DYRK1A: variants seen among roughly 807,000 people sequenced by gnomAD.
DYRK1A encodes dual specificity tyrosine-phosphorylation-regulated kinase 1A.
DYRK1A carries 9 observed loss-of-function variants against 79.7 expected under a neutral mutation model. The ratio of observed to expected loss-of-function variants is 0.11; its 90% CI spans 0.07 to 0.20. The LOEUF is 0.20. DYRK1A is among the 10% of genes least tolerant of loss of function. The pLI, the probability that DYRK1A is intolerant of heterozygous loss-of-function variation, is 1.00. For synonymous variants in DYRK1A, 349 were observed against 329.7 expected, an observed-to-expected ratio of 1.06 and a Z score of -0.63; for missense variants, 622 against 956.0, an observed-to-expected ratio of 0.65 and a Z score of 4.61.
intron 3 of DYRK1A, among the ~76,000 whole-genome samples, chr21:37,477,869 T>A (rs1022897942): frequency 1.3e-5 from 2 of 152,208 alleles, no homozygotes; most frequent in Non-Finnish European, 2.9e-5. Context: ...TTCTTTGGGC[T>A]AATTGTGTGG....
intron 9 of DYRK1A, among the ~76,000 whole-genome samples, chr21:37,497,418 A>T (rs1444842396): frequency 6.6e-6 from 1 of 152,058 alleles, no homozygotes; most frequent in Non-Finnish European, 1.5e-5. Flanking sequence ...TGCCATCGAG[A>T]CCTCCTGGGC....
intron 9 of DYRK1A, chr21:37,503,949 G>C (rs891924449): frequency 6.6e-6 from 1 of 151,980 alleles, no homozygotes; most frequent in Non-Finnish European, 1.5e-5. Context: ...TTTAAAAAAT[G>C]TTTGTAATTT....
intron 2 of DYRK1A, among the ~76,000 whole-genome samples, chr21:37,459,253 T>C (rs2148522023): frequency 6.6e-6 from 1 of 152,344 alleles, no homozygotes; most frequent in South Asian, 2.1e-4. Context: ...TCTGTTATAA[T>C]CACTGTAGTG....
At chr21:37,407,228 C>T (rs1735861396) in intron 1 of DYRK1A, among the ~76,000 whole-genome samples, 2 of 152,084 alleles carry the variant, frequency 1.3e-5, no homozygotes, top group Admixed American at 6.6e-5. Context: ...TAAGACTAAA[C>T]ATTCATTTAT....
chr21:37,462,661 C>G (rs537375441), intron 2 of DYRK1A, among the ~76,000 whole-genome samples: 16 of 152,246 alleles, frequency 1.1e-4, no homozygotes, highest in African/African-American at 3.6e-4. Context: ...CTTTTTGTTA[C>G]CTGCTGCACA....
intron 5 of DYRK1A, chr21:37,481,773 A>G (rs571082312): frequency 1.3e-5 from 2 of 152,204 alleles, no homozygotes; most frequent in East Asian, 3.9e-4. Context: ...TGGGAATCTG[A>G]AGCAGAAGGA....
chr21:37,476,359 C>T (rs1359040624), intron 3 of DYRK1A, among the ~76,000 whole-genome samples: 2 of 152,176 alleles, frequency 1.3e-5, no homozygotes, highest in African/African-American at 4.8e-5. Context: ...TAAATACCTG[C>T]TACTGTTATT....
rs571859735 is a variant in DYRK1A, at chr21:37,454,085, C to CTTTTTTTTTTTTT, written c.11-18586_11-18574dup. On this transcript the variant is annotated intron_variant, in intron 2 of 11. Coordinates refer to ENST00000647188, the MANE Select transcript of DYRK1A (RefSeq NM_001347721.2). Reference sequence around the variant, plus strand: ...CTTTCATATTATGAGATGTAGTCTCCTTTTTTTTTTTTTTTTTTTTTTTTT... The same window carrying CTTTTTTTTTTTTT: ...CTTTCATATTATGAGATGTAGTCTCCTTTTTTTTTTTTTTTTTTTTTTTTTTTTTTTTTTTTTT... Among the ~76,000 whole-genome samples, 122 of 59,630 alleles carry CTTTTTTTTTTTTT rather than the reference C, an allele frequency of 2.0e-3. 18 individuals are homozygous for CTTTTTTTTTTTTT. Among genetic ancestry groups the CTTTTTTTTTTTTT allele is most frequent in the East Asian group, 8.0e-3 (13 of 1,618 alleles). The allele number at this position is 59,630 out of a possible 152,430, so 39.1% of individuals were successfully genotyped here. A position where few individuals can be genotyped will look rare whatever the true frequency, so the allele number is the denominator to read the frequency against.
At chr21:37,390,661 C>T (rs1406724586) in intron 1 of DYRK1A, among the ~76,000 whole-genome samples, 8 of 152,000 alleles carry the variant, frequency 5.3e-5, no homozygotes, top group Admixed American at 2.0e-4. Context: ...CTCCGCTTCC[C>T]GTGTTCAAGT....
intron 1 of DYRK1A, among the ~76,000 whole-genome samples, chr21:37,370,846 A>G (rs553408951): frequency 1.1e-4 from 16 of 152,318 alleles, no homozygotes; most frequent in African/African-American, 3.4e-4. Context: ...ACTATTAGTA[A>G]TGTTTCCTGA....
intron 6 of DYRK1A, chr21:37,486,979 T>G (rs1381507965): frequency 1.3e-5 from 2 of 157,094 alleles, no homozygotes. Context: ...TGTGAGCTAG[T>G]ATGTTCTTAG....
intron 1 of DYRK1A, among the ~76,000 whole-genome samples, chr21:37,391,170 T>C (rs1386523371): frequency 2.0e-5 from 3 of 152,366 alleles, no homozygotes; most frequent in African/African-American, 7.2e-5. Context: ...TGGAAACCTA[T>C]GTCTGAATGT....
intron 1 of DYRK1A, among the ~76,000 whole-genome samples, chr21:37,385,633 A>T (rs1281596127): frequency 2.0e-5 from 3 of 152,214 alleles, no homozygotes; most frequent in Non-Finnish European, 4.4e-5. Context: ...TGTGCACAGG[A>T]TGTGAACACT....
At chr21:37,439,786 A>T (rs1273591936) in intron 2 of DYRK1A, among the ~76,000 whole-genome samples, 2 of 152,140 alleles carry the variant, frequency 1.3e-5, no homozygotes, top group African/African-American at 4.8e-5. Context: ...CTAGTTAATG[A>T]AAGTTTGTTT....
intron 10 of DYRK1A, among the ~76,000 whole-genome samples, chr21:37,505,888 C>G (rs1306808331): frequency 1.3e-5 from 2 of 152,108 alleles, no homozygotes; most frequent in Non-Finnish European, 2.9e-5. Flanking sequence ...AACCAGACTT[C>G]ATTGTATTTT....
chr21:37,392,025 T>C (rs1415427314), intron 1 of DYRK1A, among the ~76,000 whole-genome samples: 1 of 152,252 alleles, frequency 6.6e-6, no homozygotes, highest in Non-Finnish European at 1.5e-5. Context: ...TGTAAGCCAT[T>C]ATCCATCTTT....
chr21:37,468,563 G>T (rs545271342), intron 2 of DYRK1A, among the ~76,000 whole-genome samples: 3 of 152,284 alleles, frequency 2.0e-5, no homozygotes, highest in African/African-American at 7.2e-5. Context: ...CTAGATCCAA[G>T]CATAAAGGGA....
chr21:37,420,804 C>T (rs145531631), intron 2 of DYRK1A, among the ~76,000 whole-genome samples: 1 of 152,090 alleles, frequency 6.6e-6, no homozygotes, highest in African/African-American at 2.4e-5. Context: ...TATACCCATA[C>T]ATACGGTTTC....
intron 9 of DYRK1A, chr21:37,501,373 A>G (rs1601304997): frequency 6.6e-6 from 1 of 151,758 alleles, no homozygotes; most frequent in Non-Finnish European, 1.5e-5. Flanking sequence ...GTTTCACCAT[A>G]TGACCAGGAT....
Sources: allele counts gnomAD v4.1 joint callset (sites outside exome capture counted in the v4.1 genomes callset), GRCh38; gene constraint gnomAD v4.1.1; transcripts MANE v1.5; gene names NCBI Gene and HGNC (gene_info 2026-07-23, HGNC 2026-07-21).